The following STAM2 variants were observed in gnomAD, a reference collection of about 807,000 sequenced individuals.
STAM2 encodes signal transducing adaptor molecule 2.
STAM2 carries 51 observed loss-of-function variants against 65.6 expected under a neutral mutation model. The observed-to-expected ratio is 0.78, with a 90% CI of 0.62 to 0.98. The LOEUF (loss-of-function observed/expected upper bound fraction) is 0.98. Ranked by LOEUF, STAM2 falls within the 50% of genes least tolerant of loss-of-function variation. The pLI, the probability that STAM2 is intolerant of heterozygous loss-of-function variation, is 0.00. For missense variants in STAM2, 584 were observed against 617.8 expected, an observed-to-expected ratio of 0.95 and a Z score of 0.58; for synonymous variants, 198 against 208.4, an observed-to-expected ratio of 0.95 and a Z score of 0.43.
Position 152,118,645 on chromosome 2 carries a change from AG to A in STAM2, c.*1928del, listed in dbSNP as rs896571124. On this transcript the variant is annotated 3_prime_UTR_variant, in exon 14 of 14. Coordinates refer to ENST00000263904, the MANE Select transcript of STAM2 (RefSeq NM_005843.6). ...ATTAAATAGAGTTTGGGAGAAAAAAAGTAAGAAATTCCATATATATGCAAAT... is the reference window on the plus strand; with the variant it reads ...ATTAAATAGAGTTTGGGAGAAAAAAATAAGAAATTCCATATATATGCAAAT... 2 of 151,854 alleles carry A rather than the reference AG, an allele frequency of 1.3e-5. No homozygotes were observed. Among genetic ancestry groups the A allele is most frequent in the South Asian group, 2.1e-4 (1 of 4,826 alleles). 9.4% of individuals were successfully genotyped at this position (151,854 alleles called of 1,614,324 possible). A position where few individuals can be genotyped will look rare whatever the true frequency, so the allele number is the denominator to read the frequency against.
In STAM2 at chr2:152,128,366, T is replaced by C. The variant is rs529115037; in HGVS notation, c.1026-1987A>G. Among the ~76,000 whole-genome samples, 8 of 151,808 alleles carry C rather than the reference T, an allele frequency of 5.3e-5. No homozygotes were observed. In the South Asian group the frequency reaches 1.0e-3, roughly 20 times the overall value. On this transcript the variant is annotated intron_variant, in intron 11 of 13. Transcript: ENST00000263904. Reference sequence around the variant, plus strand: ...AGGCGGAGGTTACAGTGAGCCGAGATTGCACCACTGCACTCCAGCCTGGGC... The same window carrying C: ...AGGCGGAGGTTACAGTGAGCCGAGACTGCACCACTGCACTCCAGCCTGGGC...
At chr2:152,146,745 C>T (rs1490532691) in intron 5 of STAM2, among the ~76,000 whole-genome samples, 2 of 152,104 alleles carry the variant, frequency 1.3e-5, no homozygotes, top group Non-Finnish European at 2.9e-5. Context: ...CTGTAGTCAC[C>T]TCTTTCTCTC....
At chr2:152,133,908 TTACATC>T (rs1689108174) in intron 8 of STAM2, among the ~76,000 whole-genome samples, 1 of 152,108 alleles carries the variant, frequency 6.6e-6, no homozygotes, top group South Asian at 2.1e-4. Flanking sequence ...AATTTCATAG[TTACATC>T]TACGAGTTCC....
At chr2:152,130,166 G>A (rs1002400542) in intron 11 of STAM2, among the ~76,000 whole-genome samples, 2 of 152,180 alleles carry the variant, frequency 1.3e-5, no homozygotes, top group African/African-American at 4.8e-5. Context: ...CAGATAGAGA[G>A]CTGAGAAATA....
chr2:152,171,112 A>G (rs1406432551), intron 1 of STAM2, among the ~76,000 whole-genome samples: 1 of 152,236 alleles, frequency 6.6e-6, no homozygotes, highest in Non-Finnish European at 1.5e-5. Context: ...GTATTATACT[A>G]TTAAAGAGAA....
intron 2 of STAM2, among the ~76,000 whole-genome samples, chr2:152,148,642 G>A (rs979325463): frequency 1.3e-5 from 2 of 152,068 alleles, no homozygotes; most frequent in Admixed American, 6.6e-5. Flanking sequence ...CAGCCTGGAT[G>A]ACAGAGACCG....
At chr2:152,156,736 G>C (rs1028458164) in intron 1 of STAM2, among the ~76,000 whole-genome samples, 1 of 152,038 alleles carries the variant, frequency 6.6e-6, no homozygotes, top group African/African-American at 2.4e-5. Flanking sequence ...GCTTTAAAAA[G>C]AATCTAGCTC....
chr2:152,118,533 T>C lies in STAM2; in HGVS notation c.*2041A>G, dbSNP rs1453919880. On this transcript the variant is annotated 3_prime_UTR_variant, in exon 14 of 14. Transcript: ENST00000263904. ...TCCCAATTTAGTGGGTGTGCAGTAA[T>C]TATATTGGCTCAAAGACATGCTGAA... 1.3e-5 allele frequency: 2 copies of C among 150,972 alleles called. No individual in the cohort carries two copies. Among genetic ancestry groups the C allele is most frequent in the Non-Finnish European group, 1.5e-5 (1 of 67,754 alleles). The allele number at this position is 150,972 out of a possible 1,614,324, so 9.4% of individuals were successfully genotyped here. A position where few individuals can be genotyped will look rare whatever the true frequency, so the allele number is the denominator to read the frequency against.
intron 1 of STAM2, among the ~76,000 whole-genome samples, chr2:152,168,427 G>A (rs1189620527): frequency 6.6e-6 from 1 of 151,958 alleles, no homozygotes; most frequent in Non-Finnish European, 1.5e-5. Context: ...CAAAGTGCTG[G>A]GATTATAGGC....
chr2:152,122,044 TC>T (rs67528615), intron 13 of STAM2, among the ~76,000 whole-genome samples: 1 of 136,608 alleles, frequency 7.3e-6, no homozygotes, highest in Non-Finnish European at 1.5e-5. Flanking sequence ...TGAGACTCCG[TC>T]CCCAAAAAAA....
chr2:152,175,631 G>C lies in STAM2; in HGVS notation c.12C>G (p.Phe4Leu). The C allele has an allele frequency of 6.2e-7, 1 of 1,613,776 alleles. No individual in the cohort carries two copies. The highest frequency in any genetic ancestry group is 8.5e-7 in the Non-Finnish European group (1 of 1,179,872). The change falls in exon 1 of 14, where the codon TTC becomes TTG. Residue 4 changes from phenylalanine (F) to leucine (L), a missense_variant. By Grantham distance (22) the Phe-to-Leu change is conservative. Transcript: ENST00000263904. MPL[F>L]TANPFEQDVE... ...CGTCTTGCTCGAAGGGGTTGGCGGT[G>C]AACAAAGGCATCTCGCCGGCGCCCG...
At chr2:152,149,396 C>T (rs1032247253) in intron 2 of STAM2, among the ~76,000 whole-genome samples, 3 of 151,916 alleles carry the variant, frequency 2.0e-5, no homozygotes, top group Non-Finnish European at 4.4e-5. Flanking sequence ...AACAACTGAC[C>T]CTTTAACTAC....
chr2:152,130,153 C>G (rs1386774158), intron 11 of STAM2, among the ~76,000 whole-genome samples: 1 of 152,212 alleles, frequency 6.6e-6, no homozygotes, highest in Non-Finnish European at 1.5e-5. Context: ...CTCCCTATGA[C>G]TTCAGATAGA....
chr2:152,158,386 G>T (rs1327352776), intron 1 of STAM2, among the ~76,000 whole-genome samples: 2 of 152,040 alleles, frequency 1.3e-5, no homozygotes, highest in African/African-American at 2.4e-5. Flanking sequence ...TGAGGCAGGA[G>T]AATCACTTGA....
At chr2:152,147,573 T>G (rs1689358427) in intron 4 of STAM2, among the ~76,000 whole-genome samples, 1 of 152,336 alleles carries the variant, frequency 6.6e-6, no homozygotes, top group South Asian at 2.1e-4. Flanking sequence ...CAGAGATTAT[T>G]TCCTCCATGT....
chr2:152,131,953 A>AAGC, intron 11 of STAM2, 161 bp downstream of exon 11: 1 of 574,128 alleles, frequency 1.7e-6, no homozygotes, highest in South Asian at 2.4e-5. Flanking sequence ...AACAAGATAA[A>AAGC]AAGCACCACC....
chr2:152,170,641 C>T (rs980180841), intron 1 of STAM2, among the ~76,000 whole-genome samples: 49 of 152,278 alleles, frequency 3.2e-4, no homozygotes, highest in African/African-American at 1.0e-3. Context: ...TATAGTATCA[C>T]GCAGCCATTA....
chr2:152,143,367 T>G (rs185137623), intron 7 of STAM2, among the ~76,000 whole-genome samples: 264 of 152,304 alleles, frequency 1.7e-3, no homozygotes, highest in African/African-American at 6.1e-3. Context: ...GATTGATCTA[T>G]TTTTTATGAC....
chr2:152,175,435 G>A (rs1410567942), intron 1 of STAM2, among the ~76,000 whole-genome samples, 168 bp downstream of exon 1: 1 of 152,152 alleles, frequency 6.6e-6, no homozygotes, highest in Admixed American at 6.5e-5. Context: ...GCGACGCGCC[G>A]AGGTTGCCCC....
Sources: allele counts gnomAD v4.1 joint callset (sites outside exome capture counted in the v4.1 genomes callset), GRCh38; gene constraint gnomAD v4.1.1; transcripts MANE v1.5; gene names NCBI Gene and HGNC (gene_info 2026-07-23, HGNC 2026-07-21).